The following PRDM16 variants were observed in gnomAD, a reference collection of about 807,000 sequenced individuals.
PRDM16 encodes the protein histone-lysine N-methyltransferase PRDM16.
PRDM16 carries 23 observed loss-of-function variants against 110.6 expected under a neutral mutation model. The ratio of observed to expected loss-of-function variants is 0.21; its 90% CI spans 0.15 to 0.29. The LOEUF is 0.29. Among genes scored for constraint, PRDM16 ranks in the 10% least tolerant of loss-of-function variants. The probability of loss-of-function intolerance (pLI) is 1.00; values close to 1 mark genes in which losing one functional copy is unlikely to be tolerated. For missense variants in PRDM16, 1,615 were observed against 1,794.3 expected (o/e 0.90, Z 1.81); for synonymous variants, 799 against 781.8 (o/e 1.02, Z -0.37).
At chr1:3,292,727 G>A (rs1641005032) in intron 3 of PRDM16, among the ~76,000 whole-genome samples, 1 of 152,074 alleles carries the variant, frequency 6.6e-6, no homozygotes, top group Non-Finnish European at 1.5e-5. Context: ...CAGGAGACAG[G>A]GGTCACGGAA....
At chr1:3,075,078 C>T (rs769637467) in intron 1 of PRDM16, among the ~76,000 whole-genome samples, 1 of 152,248 alleles carries the variant, frequency 6.6e-6, no homozygotes, top group Non-Finnish European at 1.5e-5. Context: ...AAATCCTCCA[C>T]GGTCTGGAGG....
rs777151088 is a variant in PRDM16, at chr1:3,426,131, C to T, written c.3190C>T (p.Leu1064Phe). Reference sequence around the variant, plus strand: ...CACCTCAGAGTCGGACAACCACGCACTTTTAGACGAGAAAGAAGACTCTTA... The same window carrying T: ...CACCTCAGAGTCGGACAACCACGCATTTTTAGACGAGAAAGAAGACTCTTA... Reference protein sequence around the residue: ...SPTSESDNHALLDEKEDSYFS... With the variant: ...SPTSESDNHAFLDEKEDSYFS... The change falls in exon 14 of 17, where the codon CTT becomes TTT. Residue 1064 changes from leucine to phenylalanine, a missense_variant. By Grantham distance (22) the Leu-to-Phe change is conservative. Around this residue, in one of 5 missense-constraint regions of PRDM16, gnomAD observed 327 missense variants for 359.3 expected, o/e 0.91. Transcript: ENST00000270722. 1.3e-5 allele frequency: 21 copies of T among 1,613,872 alleles called. No homozygotes were observed. The highest frequency in any genetic ancestry group is 1.8e-5 in the Non-Finnish European group (21 of 1,179,994).
At chr1:3,167,372 G>A (rs187173606) in intron 1 of PRDM16, among the ~76,000 whole-genome samples, 3 of 152,266 alleles carry the variant, frequency 2.0e-5, no homozygotes, top group Admixed American at 6.5e-5. Context: ...TCAGGCCTGC[G>A]TGGGAGAGCC....
intron 4 of PRDM16, among the ~76,000 whole-genome samples, chr1:3,393,621 T>G (rs1643333644): frequency 6.6e-6 from 1 of 152,096 alleles, no homozygotes; most frequent in Non-Finnish European, 1.5e-5. Context: ...CGGCCCGGTC[T>G]TTGTCCCGGG....
rs1017037764 is a variant in PRDM16 at position 3,425,768 on chromosome 1, G to C, written c.3109+18G>C. The C allele has an allele frequency of 6.2e-7, 1 of 1,612,558 alleles. No individual in the cohort carries two copies. Among genetic ancestry groups the C allele is most frequent in the Non-Finnish European group, 8.5e-7 (1 of 1,179,600 alleles). On this transcript the variant is annotated intron_variant, in intron 13 of 16. Transcript: ENST00000270722. The surrounding 1 kb of genome is among the most constrained non-coding windows in gnomAD (Gnocchi z 6.9). ...CGCACCAGGTGGGCCACGCGGGGTG[G>C]GGCAGCCCCCAGAGCACCCACACGG...
intron 9 of PRDM16, among the ~76,000 whole-genome samples, chr1:3,413,315 G>A (rs1643726409): frequency 2.0e-5 from 3 of 152,040 alleles, no homozygotes; most frequent in African/African-American, 4.8e-5. Flanking sequence ...CTTTCTGGGG[G>A]CCCCGGGGGA....
At chr1:3,383,194 A>G (rs1643134865) in intron 3 of PRDM16, among the ~76,000 whole-genome samples, 1 of 152,226 alleles carries the variant, frequency 6.6e-6, no homozygotes, top group Non-Finnish European at 1.5e-5. Flanking sequence ...CGTCTCTGAA[A>G]TAAGACAGGC....
chr1:3,073,432 C>G (rs899849343), intron 1 of PRDM16, among the ~76,000 whole-genome samples: 1 of 152,262 alleles, frequency 6.6e-6, no homozygotes, highest in African/African-American at 2.4e-5. Flanking sequence ...TTTCAAATAG[C>G]GTTAAATACA....
At chr1:3,407,087 C>T (rs1489941021) in intron 8 of PRDM16, among the ~76,000 whole-genome samples, 1 of 152,242 alleles carries the variant, frequency 6.6e-6, no homozygotes, top group Non-Finnish European at 1.5e-5. Context: ...ACCTTCCAGG[C>T]TCCGTTGCAT....
intron 3 of PRDM16, among the ~76,000 whole-genome samples, chr1:3,325,148 C>T (rs1641859387): frequency 6.6e-6 from 1 of 152,186 alleles, no homozygotes; most frequent in Non-Finnish European, 1.5e-5. Context: ...CCCCAAACCC[C>T]CAGGTCCTTC....
At chr1:3,409,091 G>A (rs531797918) in intron 8 of PRDM16, among the ~76,000 whole-genome samples, 8 of 147,586 alleles carry the variant, frequency 5.4e-5, no homozygotes, top group Admixed American at 2.0e-4. Context: ...GTGTGGGCGC[G>A]TGTCTGTGAG....
rs1197103092 is a variant in PRDM16 at position 3,175,715 on chromosome 1, C to A, written c.38-10410C>A. 6.6e-6 allele frequency among the ~76,000 whole-genome samples: 1 copy of A among 152,204 alleles called. No individual in the cohort carries two copies. Among genetic ancestry groups the A allele is most frequent in the Non-Finnish European group, 1.5e-5 (1 of 68,028 alleles). On this transcript the variant is annotated intron_variant, in intron 1 of 16. Coordinates refer to ENST00000270722, the MANE Select transcript of PRDM16 (RefSeq NM_022114.4). The surrounding 1 kb of genome is among the most constrained non-coding windows in gnomAD (Gnocchi z 4.8). Reference sequence around the variant, plus strand: ...CGCCACATGGGTGCAGGGAGGGTGACAGCCGGTCAGCCCTGAAGAAGCAGC... The same window carrying A: ...CGCCACATGGGTGCAGGGAGGGTGAAAGCCGGTCAGCCCTGAAGAAGCAGC...
intron 3 of PRDM16, among the ~76,000 whole-genome samples, chr1:3,366,070 G>A (rs189876215): frequency 4.7e-4 from 71 of 152,348 alleles, no homozygotes; most frequent in Non-Finnish European, 9.0e-4. Flanking sequence ...GTGGGGCCAG[G>A]GAGGGTCTGG....
chr1:3,249,561 T>A (rs1266385965), intron 3 of PRDM16, among the ~76,000 whole-genome samples: 2 of 149,900 alleles, frequency 1.3e-5, no homozygotes, highest in Non-Finnish European at 3.0e-5. Flanking sequence ...AAAAAAAAAA[T>A]ACACACCAAA....
intron 1 of PRDM16, among the ~76,000 whole-genome samples, chr1:3,181,468 A>G (rs2100784373): frequency 1.4e-5 from 1 of 69,400 alleles, no homozygotes; most frequent in Non-Finnish European, 3.3e-5. Flanking sequence ...ACACGGTCTT[A>G]CACACGCAGT....
chr1:3,244,560 G>A lies in PRDM16; in HGVS notation c.438+423G>A, dbSNP rs765890118. 2.0e-5 allele frequency among the ~76,000 whole-genome samples: 3 copies of A among 152,196 alleles called. No individual in the cohort carries two copies. The highest frequency in any genetic ancestry group is 6.5e-5 in the Admixed American group (1 of 15,280). ...ATTCAACAAAGCCTTTGCTGCACTC[G>A]TAGCTTCCAAAGAAGCATCGTTTTA... On this transcript the variant is annotated intron_variant, in intron 3 of 16. Transcript: ENST00000270722. This position sits in a 1 kb window ranked among gnomAD's most constrained non-coding sequence, Gnocchi z 4.1.
intron 1 of PRDM16, among the ~76,000 whole-genome samples, chr1:3,084,275 G>A (rs1642098530): frequency 6.6e-6 from 1 of 152,192 alleles, no homozygotes; most frequent in African/African-American, 2.4e-5. Context: ...TCTGGTGTCA[G>A]GCAGACCCAG....
intron 8 of PRDM16, 63 bp downstream of exon 8, chr1:3,405,711 C>T (rs572364957): frequency 1.4e-6 from 2 of 1,463,950 alleles, no homozygotes; most frequent in East Asian, 2.6e-5. Context: ...GCGGTCGGGC[C>T]GAGGTGGGCC....
chr1:3,176,709 T>TATCC (rs111683546), intron 1 of PRDM16, among the ~76,000 whole-genome samples: 5,770 of 144,068 alleles, frequency 0.04, 201 homozygotes, highest in East Asian at 0.2. Context: ...TCTGTCCATC[T>TATCC]ATCCATCCAT....
Sources: gnomAD v4.1 joint callset for allele counts (sites outside exome capture counted in the v4.1 genomes callset) on GRCh38, gnomAD v4.1.1 for gene constraint, gnomAD v4.1.1 regional missense constraint, Gnocchi (gnomAD v3.1) non-coding constraint, MANE v1.5 for transcripts, NCBI Gene and HGNC (gene_info 2026-07-23, HGNC 2026-07-21) for gene names.